Variants in PCDHA3 observed in about 807,000 individuals in gnomAD.
PCDHA3 encodes protocadherin alpha-3.
A neutral mutation model predicts 62.2 loss-of-function variants in PCDHA3; 41 were observed. That is an observed-to-expected ratio of 0.66 (90% CI 0.51 to 0.86). The LOEUF is 0.86. Ranked by LOEUF, PCDHA3 falls within the 40% of genes least tolerant of loss-of-function variation. PCDHA3 has a pLI of 0.00. For missense variants in PCDHA3, 1,304 were observed against 1,241.2 expected, an observed-to-expected ratio of 1.05 and a Z score of -0.76; for synonymous variants, 640 against 555.4, an observed-to-expected ratio of 1.15 and a Z score of -2.14.
Position 140,857,049 on chromosome 5 carries a change from C to T in PCDHA3, c.2394+53458C>T, listed in dbSNP as rs1390810771. On this transcript the variant is annotated intron_variant, in intron 1 of 3. Coordinates refer to ENST00000522353, the MANE Select transcript of PCDHA3 (RefSeq NM_018906.3). ...AACCCACCTATGGTTGGTCACTGCA[C>T]GGTCCTAGTGGAACTACTGGATGAA... 3.1e-6 allele frequency: 5 copies of T among 1,595,184 alleles called. No homozygotes were observed. In the African/African-American group the frequency reaches 5.4e-5, roughly 17 times the overall value.
rs2150522888 is a variant in PCDHA3 at position 140,852,815 on chromosome 5, T to G, written c.2394+49224T>G. 1.8e-5 allele frequency: 18 copies of G among 973,398 alleles called. No homozygotes were observed. In the East Asian group the frequency reaches 1.4e-3, roughly 74 times the overall value. 60.3% of individuals were successfully genotyped at this position (973,398 alleles called of 1,614,324 possible). On this transcript the variant is annotated intron_variant, in intron 1 of 3. Coordinates refer to ENST00000522353, the MANE Select transcript of PCDHA3 (RefSeq NM_018906.3). ...TACAGATGTCATTTGTCTCCCGCCC[T>G]AAGTCCTCCAGTCTCCTTAGAGCTA...
Position 140,871,139 on chromosome 5 carries a change from C to T in PCDHA3, c.2394+67548C>T, listed in dbSNP as rs782085001. 8 of 1,613,312 alleles carry T rather than the reference C, an allele frequency of 5.0e-6. No individual in the cohort carries two copies. The African/African-American group carries it at 6.7e-5, about 13-fold the overall frequency. On this transcript the variant is annotated intron_variant, in intron 1 of 3. Coordinates refer to ENST00000522353, the MANE Select transcript of PCDHA3 (RefSeq NM_018906.3). ...AGCGGACAGGCGCCAAAGGCCTCTTCCCGGACTTTGGCGGGCGCCGCGAGC... is the reference window on the plus strand; with the variant it reads ...AGCGGACAGGCGCCAAAGGCCTCTTTCCGGACTTTGGCGGGCGCCGCGAGC...
chr5:140,899,674 T>A (rs2067476984), intron 1 of PCDHA3, among the ~76,000 whole-genome samples: 1 of 152,220 alleles, frequency 6.6e-6, no homozygotes, highest in African/African-American at 2.4e-5. Flanking sequence ...GGCTTTGGTA[T>A]CAGGATGATG....
chr5:140,850,517 G>A, intron 1 of PCDHA3: 1 of 1,598,300 alleles, frequency 6.3e-7, no homozygotes, highest in Non-Finnish European at 8.6e-7. Context: ...AGAGCGGCCA[G>A]GCGCCAAAGT....
chr5:140,946,611 A>AATATATAGATATATATATATAT (rs2093974557), intron 1 of PCDHA3, among the ~76,000 whole-genome samples: 1 of 86,814 alleles, frequency 1.2e-5, no homozygotes, highest in Non-Finnish European at 2.1e-5. Context: ...GAAAATGTGA[A>AATATATAGATATATATATATAT]ATATATATAT....
chr5:140,865,419 T>A (rs1327080302), intron 1 of PCDHA3: 2 of 152,314 alleles, frequency 1.3e-5, no homozygotes, highest in African/African-American at 4.8e-5. Flanking sequence ...ATTAGTAGTG[T>A]CTACCTAGAA....
rs781863404 is a variant in PCDHA3, at chr5:141,010,259, G to C, written c.*322G>C. 6.4e-7 allele frequency: 1 copy of C among 1,551,820 alleles called. No individual in the cohort carries two copies. The highest frequency in any genetic ancestry group is 1.2e-5 in the South Asian group (1 of 84,074). On this transcript the variant is annotated 3_prime_UTR_variant, in exon 4 of 4. Coordinates refer to ENST00000522353, the MANE Select transcript of PCDHA3 (RefSeq NM_018906.3). Reference sequence around the variant, plus strand: ...TGAGAGGTTGGACTCTCTGCCCTGTGCTCCGGGGATCCTGTCTTGATGACA... The same window carrying C: ...TGAGAGGTTGGACTCTCTGCCCTGTCCTCCGGGGATCCTGTCTTGATGACA...
In PCDHA3 at chr5:140,801,524, C is replaced by G; in HGVS notation, c.327C>G (p.Ile109Met). 1 of 1,614,192 alleles carries G rather than the reference C, an allele frequency of 6.2e-7. No homozygotes were observed. Among genetic ancestry groups the G allele is most frequent in the Non-Finnish European group, 8.5e-7 (1 of 1,180,036 alleles). ...SAECSIHLEV[I>M]VDRPLQVFHV... Reference sequence around the variant, plus strand: ...AGTGCAGCATCCACCTGGAGGTGATCGTGGACAGGCCGCTGCAGGTTTTCC... The same window carrying G: ...AGTGCAGCATCCACCTGGAGGTGATGGTGGACAGGCCGCTGCAGGTTTTCC... Residue 109 changes from isoleucine to methionine, a missense_variant, in exon 1 of 4, where the codon ATC becomes ATG. Physicochemically the swap from Ile to Met is conservative, Grantham distance 10. Transcript: ENST00000522353.
At chr5:140,823,311 G>T (rs2150124582) in intron 1 of PCDHA3, 1 of 1,612,350 alleles carries the variant, frequency 6.2e-7, no homozygotes, top group South Asian at 1.1e-5. Flanking sequence ...TGCACGCGGA[G>T]AGCGGCAAGG....
At chr5:140,950,159 T>C (rs983239055) in intron 1 of PCDHA3, among the ~76,000 whole-genome samples, 3 of 151,972 alleles carry the variant, frequency 2.0e-5, no homozygotes, top group Non-Finnish European at 4.4e-5. Flanking sequence ...AAGCAGTTAT[T>C]ATGTACTTTA....
At chr5:140,945,206 A>G (rs148955371) in intron 1 of PCDHA3, among the ~76,000 whole-genome samples, 1 of 152,282 alleles carries the variant, frequency 6.6e-6, no homozygotes, top group East Asian at 1.9e-4. Context: ...TACAATAGCT[A>G]TGAGAAAATA....
At chr5:140,830,442 G>GTACC (rs1771071526) in intron 1 of PCDHA3, 1 of 1,608,220 alleles carries the variant, frequency 6.2e-7, no homozygotes. Flanking sequence ...ATTATGATGG[G>GTACC]TAAGGCGGAG....
intron 1 of PCDHA3, chr5:140,850,070 C>G: frequency 6.3e-7 from 1 of 1,596,564 alleles, no homozygotes; most frequent in Non-Finnish European, 8.6e-7. Context: ...CGTTGGACCA[C>G]GAGGAGCTGG....
At chr5:140,921,695 A>G (rs1190217757) in intron 1 of PCDHA3, among the ~76,000 whole-genome samples, 1 of 152,216 alleles carries the variant, frequency 6.6e-6, no homozygotes, top group Admixed American at 6.5e-5. Context: ...GGCCACCTCA[A>G]TTTTAAACAG....
chr5:140,823,583 A>G (rs1767781648), intron 1 of PCDHA3: 2 of 1,613,950 alleles, frequency 1.2e-6, no homozygotes, highest in Non-Finnish European at 1.7e-6. Context: ...TCGGGCTACA[A>G]CGCTTGGCTT....
In PCDHA3 at chr5:140,857,261, T is replaced by C. The variant is rs145652579; in HGVS notation, c.2394+53670T>C. The C allele has an allele frequency of 4.9e-5, 79 of 1,598,562 alleles. 6 individuals carry two copies. The African/African-American group carries it at 9.1e-4, about 18-fold the overall frequency. On this transcript the variant is annotated intron_variant, in intron 1 of 3. Coordinates refer to ENST00000522353, the MANE Select transcript of PCDHA3 (RefSeq NM_018906.3). ...GGTGTCCACCTACAAGAATTACTACTCATTGGTGCTGGACAGCGCTCTGGA... is the reference window on the plus strand; with the variant it reads ...GGTGTCCACCTACAAGAATTACTACCCATTGGTGCTGGACAGCGCTCTGGA...
chr5:140,807,908 G>A (rs781869651), intron 1 of PCDHA3: 1 of 1,614,126 alleles, frequency 6.2e-7, no homozygotes, highest in Non-Finnish European at 8.5e-7. Context: ...CAATGCCCCA[G>A]CTTTTGACAG....
chr5:140,897,037 AC>A (rs1300892291), intron 1 of PCDHA3, among the ~76,000 whole-genome samples: 1 of 152,074 alleles, frequency 6.6e-6, no homozygotes, highest in Non-Finnish European at 1.5e-5. Flanking sequence ...GACCATAGTC[AC>A]CCTATTCTGC....
At chr5:140,805,903 A>G (rs553167361) in intron 1 of PCDHA3, among the ~76,000 whole-genome samples, 2 of 152,328 alleles carry the variant, frequency 1.3e-5, no homozygotes, top group African/African-American at 4.8e-5. Flanking sequence ...CATTTTCTGC[A>G]GGGTAAATAT....
Sources: gnomAD v4.1 joint callset for allele counts (sites outside exome capture counted in the v4.1 genomes callset) on GRCh38, gnomAD v4.1.1 for gene constraint, MANE v1.5 for transcripts, NCBI Gene and HGNC (gene_info 2026-07-23, HGNC 2026-07-21) for gene names.